NELL1: variants seen among roughly 807,000 people sequenced by gnomAD.
The protein encoded by NELL1 is neural EGFL like 1.
NELL1 carries 76 observed loss-of-function variants against 107.4 expected under a neutral mutation model. That is an observed-to-expected ratio of 0.71 (90% CI 0.59 to 0.86). The LOEUF (loss-of-function observed/expected upper bound fraction) is 0.86. NELL1 is among the 40% of genes least tolerant of loss of function. The pLI, the probability that NELL1 is intolerant of heterozygous loss-of-function variation, is 0.00. For missense variants in NELL1, 1,024 were observed against 1,005.5 expected (o/e 1.02, Z -0.25); for synonymous variants, 353 against 341.2 (o/e 1.03, Z -0.38).
At chr11:21,174,533 A>G (rs1856673117) in intron 13 of NELL1, among the ~76,000 whole-genome samples, 1 of 151,800 alleles carries the variant, frequency 6.6e-6, no homozygotes, top group Non-Finnish European at 1.5e-5. Context: ...TATATCCTCT[A>G]TCTTGAACAG....
chr11:21,445,078 A>AT (rs532747129), intron 15 of NELL1, among the ~76,000 whole-genome samples: 2 of 152,028 alleles, frequency 1.3e-5, no homozygotes, highest in African/African-American at 4.8e-5. Context: ...TTGTCTCCCC[A>AT]TTTTTTAACG....
rs556554075 is a variant in NELL1, at chr11:21,378,940, A to T, written c.1645+7992A>T. ...GCCATGTTGGTCAGGAGGGTCTCAA[A>T]CTCCTGGCCTAATGAGATCCACCTG... On this transcript the variant is annotated intron_variant, in intron 15 of 19. Transcript: ENST00000357134. 3.7e-3 allele frequency among the ~76,000 whole-genome samples: 553 copies of T among 151,128 alleles called. 7 individuals are homozygous for T. The highest frequency in any genetic ancestry group is 0.013 in the African/African-American group (516 of 41,158).
chr11:20,992,709 A>ATTTTT (rs56048576), intron 12 of NELL1, among the ~76,000 whole-genome samples: 12,627 of 114,184 alleles, frequency 0.11, 983 homozygotes, highest in Middle Eastern at 0.15. Flanking sequence ...CAAAAGTGGC[A>ATTTTT]TTTTTTTTTT....
At chr11:21,359,444 G>A (rs1851021750) in intron 14 of NELL1, among the ~76,000 whole-genome samples, 1 of 152,078 alleles carries the variant, frequency 6.6e-6, no homozygotes. Context: ...TGTTCACCAG[G>A]GATATTGTTC....
intron 15 of NELL1, among the ~76,000 whole-genome samples, chr11:21,525,528 A>G (rs538481895): frequency 1.3e-5 from 2 of 152,354 alleles, no homozygotes; most frequent in East Asian, 3.9e-4. Flanking sequence ...TAGCAGCAGA[A>G]GAAGCTATGA....
chr11:20,722,156 G>C (rs1471491934), intron 2 of NELL1, among the ~76,000 whole-genome samples: 2 of 151,970 alleles, frequency 1.3e-5, no homozygotes, highest in African/African-American at 4.8e-5. Context: ...AAGTAGCTGG[G>C]ATTACAGGTG....
At chr11:21,381,460 AAT>A (rs1851604946) in intron 15 of NELL1, among the ~76,000 whole-genome samples, 1 of 151,964 alleles carries the variant, frequency 6.6e-6, no homozygotes, top group Non-Finnish European at 1.5e-5. Flanking sequence ...CTTACTTCAT[AAT>A]TTTATTGTGA....
At chr11:20,875,350 G>A (rs1849284483) in intron 4 of NELL1, among the ~76,000 whole-genome samples, 1 of 152,084 alleles carries the variant, frequency 6.6e-6, no homozygotes, top group South Asian at 2.1e-4. Flanking sequence ...ATAGTGTTGT[G>A]CTAAATCTGT....
At chr11:21,304,624 T>C (rs151251695) in intron 14 of NELL1, among the ~76,000 whole-genome samples, 1 of 152,110 alleles carries the variant, frequency 6.6e-6, no homozygotes, top group East Asian at 1.9e-4. Context: ...CCTACATTTC[T>C]ATGGTAATTT....
At chr11:21,135,376 G>A (rs1855722503) in intron 13 of NELL1, among the ~76,000 whole-genome samples, 1 of 152,202 alleles carries the variant, frequency 6.6e-6, no homozygotes, top group African/African-American at 2.4e-5. Context: ...GTGTGTAATT[G>A]TCTGGTGCAG....
At chr11:21,096,725 G>A (rs1162950444) in intron 12 of NELL1, among the ~76,000 whole-genome samples, 1 of 151,944 alleles carries the variant, frequency 6.6e-6, no homozygotes, top group Non-Finnish European at 1.5e-5. Context: ...ATGCTCTTTT[G>A]TTTGTTTTTT....
chr11:20,988,736 G>C (rs186971012), intron 12 of NELL1, among the ~76,000 whole-genome samples: 4 of 151,268 alleles, frequency 2.6e-5, no homozygotes, highest in African/African-American at 4.9e-5. Flanking sequence ...GACGACAGGC[G>C]CCCGCCACCA....
chr11:21,536,736 C>T (rs574895586), intron 16 of NELL1, among the ~76,000 whole-genome samples: 110 of 152,224 alleles, frequency 7.2e-4, no homozygotes, highest in African/African-American at 2.6e-3. Context: ...AAAGGTGACA[C>T]CTCATTCCCA....
chr11:20,741,059 C>T (rs935799600), intron 2 of NELL1, among the ~76,000 whole-genome samples: 3 of 151,892 alleles, frequency 2.0e-5, no homozygotes, highest in East Asian at 1.9e-4. Flanking sequence ...GAGTTTTCTC[C>T]TCTCCTTTAC....
chr11:21,243,719 G>C (rs941524013), intron 14 of NELL1, among the ~76,000 whole-genome samples: 1 of 152,074 alleles, frequency 6.6e-6, no homozygotes, highest in Non-Finnish European at 1.5e-5. Flanking sequence ...CCATAAGAAA[G>C]ATACTAGACA....
chr11:21,319,639 G>T (rs953285883), intron 14 of NELL1, among the ~76,000 whole-genome samples: 3 of 151,392 alleles, frequency 2.0e-5, no homozygotes, highest in Non-Finnish European at 4.4e-5. Flanking sequence ...ACCGCGCCCA[G>T]CCGGAAACTA....
chr11:21,408,779 C>G (rs1221102409), intron 15 of NELL1, among the ~76,000 whole-genome samples: 1 of 152,042 alleles, frequency 6.6e-6, no homozygotes, highest in Non-Finnish European at 1.5e-5. Context: ...AGGACATGAA[C>G]AGACACTTCT....
intron 3 of NELL1, among the ~76,000 whole-genome samples, chr11:20,785,572 A>G (rs1221586703): frequency 6.6e-6 from 1 of 152,224 alleles, no homozygotes. Context: ...TTCTCAATGA[A>G]TGCAGAGGAG....
chr11:21,189,697 T>C (rs894354409), intron 13 of NELL1, among the ~76,000 whole-genome samples: 1 of 141,064 alleles, frequency 7.1e-6, no homozygotes, highest in Non-Finnish European at 1.6e-5. Context: ...TTTTTTTTTT[T>C]ATTTAATGTA....
Sources: gnomAD v4.1 joint callset for allele counts (sites outside exome capture counted in the v4.1 genomes callset) on GRCh38, gnomAD v4.1.1 for gene constraint, MANE v1.5 for transcripts, NCBI Gene and HGNC (gene_info 2026-07-23, HGNC 2026-07-21) for gene names.